Variants in NEK10 observed in about 807,000 individuals in gnomAD.
The protein encoded by NEK10 is serine/threonine-protein kinase Nek10.
Under a neutral mutation model 159.8 loss-of-function variants are expected in NEK10, and 122 were observed. The observed-to-expected ratio is 0.76, with a 90% confidence interval of 0.66 to 0.89. The LOEUF (loss-of-function observed/expected upper bound fraction) is 0.89, where lower values mean the gene tolerates loss of function less well. NEK10 is among the 40% of genes least tolerant of loss of function. The pLI, the probability that NEK10 is intolerant of heterozygous loss-of-function variation, is 0.00. For synonymous variants in NEK10, 466 were observed against 457.1 expected, an observed-to-expected ratio of 1.02 and a Z score of -0.25; for missense variants, 1,342 against 1,323.1, an observed-to-expected ratio of 1.01 and a Z score of -0.22.
chr3:27,332,239 A>C (rs1400651818), intron 5 of NEK10, among the ~76,000 whole-genome samples: 1 of 152,256 alleles, frequency 6.6e-6, no homozygotes, highest in African/African-American at 2.4e-5. Flanking sequence ...GTTATACTGC[A>C]ACATTGCCCT....
At chr3:27,176,079 G>T (rs1247972099) in intron 26 of NEK10, among the ~76,000 whole-genome samples, 3 of 152,106 alleles carry the variant, frequency 2.0e-5, no homozygotes, top group African/African-American at 4.8e-5. Flanking sequence ...GGGATAACTA[G>T]AATCAGAAAT....
intron 23 of NEK10, among the ~76,000 whole-genome samples, chr3:27,245,412 T>A (rs769955408): frequency 2.9e-4 from 44 of 152,304 alleles, no homozygotes; most frequent in Middle Eastern, 3.4e-3. Context: ...TTTAGTGACA[T>A]CCAAGGCTAG....
chr3:27,251,090 T>C (rs1955613605), intron 23 of NEK10, among the ~76,000 whole-genome samples: 1 of 152,162 alleles, frequency 6.6e-6, no homozygotes, highest in Non-Finnish European at 1.5e-5. Flanking sequence ...TCATTTAATC[T>C]CACAATAATC....
chr3:27,267,772 T>C (rs1400689692), intron 22 of NEK10, among the ~76,000 whole-genome samples: 4 of 152,182 alleles, frequency 2.6e-5, no homozygotes, highest in Non-Finnish European at 4.4e-5. Context: ...TGGCCTCCAA[T>C]CATTCAAGTG....
At chr3:27,218,521 C>G (rs1049314785) in intron 23 of NEK10, among the ~76,000 whole-genome samples, 2 of 149,836 alleles carry the variant, frequency 1.3e-5, no homozygotes, top group African/African-American at 4.9e-5. Flanking sequence ...AGGAGAATCC[C>G]TTGAACCTGG....
chr3:27,255,931 C>A (rs75654783), intron 23 of NEK10, among the ~76,000 whole-genome samples: 245 of 152,186 alleles, frequency 1.6e-3, no homozygotes, highest in African/African-American at 5.5e-3. Flanking sequence ...GTCATACATA[C>A]AAGAGGGTAC....
At chr3:27,130,297 A>G (rs539822166) in intron 32 of NEK10, among the ~76,000 whole-genome samples, 1 of 152,272 alleles carries the variant, frequency 6.6e-6, no homozygotes, top group Non-Finnish European at 1.5e-5. Flanking sequence ...TGCTTCCCAA[A>G]CATCTCCTAC....
At chr3:27,180,807 C>A (rs1425085226) in intron 26 of NEK10, among the ~76,000 whole-genome samples, 1 of 152,044 alleles carries the variant, frequency 6.6e-6, no homozygotes, top group Non-Finnish European at 1.5e-5. Context: ...CTCTTCTTAA[C>A]CAATTTCCCT....
intron 12 of NEK10, among the ~76,000 whole-genome samples, chr3:27,302,242 C>T (rs1473100238): frequency 6.6e-6 from 1 of 152,172 alleles, no homozygotes; most frequent in African/African-American, 2.4e-5. Context: ...TCATTTTACT[C>T]TGTACTTCAG....
chr3:27,195,576 G>T (rs1949486746), intron 25 of NEK10, among the ~76,000 whole-genome samples: 1 of 152,188 alleles, frequency 6.6e-6, no homozygotes, highest in African/African-American at 2.4e-5. Context: ...TGAATTGTCA[G>T]TTCTAACTTA....
At chr3:27,242,592 A>T (rs1373771) in intron 23 of NEK10, among the ~76,000 whole-genome samples, 3 of 152,046 alleles carry the variant, frequency 2.0e-5, no homozygotes, top group Non-Finnish European at 4.4e-5. Context: ...ACAGCCACAC[A>T]TCACAGTTGC....
intron 22 of NEK10, among the ~76,000 whole-genome samples, chr3:27,276,341 A>T (rs1012871592): frequency 6.6e-6 from 1 of 152,026 alleles, no homozygotes; most frequent in Non-Finnish European, 1.5e-5. Context: ...TCAGATGTGG[A>T]TGTCAAAGAT....
At chr3:27,363,487 G>A (rs2048831510) in intron 1 of NEK10, among the ~76,000 whole-genome samples, 1 of 152,094 alleles carries the variant, frequency 6.6e-6, no homozygotes, top group Admixed American at 6.5e-5. Context: ...AATGTGATTG[G>A]GAAGCTCCAA....
At chr3:27,126,443 T>C (rs982614721) in intron 32 of NEK10, among the ~76,000 whole-genome samples, 3 of 152,136 alleles carry the variant, frequency 2.0e-5, no homozygotes, top group Non-Finnish European at 2.9e-5. Context: ...GGATAAATAT[T>C]TGGCCTATTA....
chr3:27,259,959 G>A (rs1337771055), intron 22 of NEK10, among the ~76,000 whole-genome samples: 1 of 152,066 alleles, frequency 6.6e-6, no homozygotes, highest in Non-Finnish European at 1.5e-5. Context: ...GGATTCCTAG[G>A]TATTTTATTC....
At chr3:27,193,473 G>A (rs1949288690) in intron 25 of NEK10, among the ~76,000 whole-genome samples, 1 of 151,760 alleles carries the variant, frequency 6.6e-6, no homozygotes, top group Admixed American at 6.6e-5. Flanking sequence ...TCTTGAACTG[G>A]CCCTTAACTT....
Position 27,228,877 on chromosome 3 carries a change from G to T in NEK10, c.2091-26320C>A, listed in dbSNP as rs142619438. ...CTGGCCTGGCAGAGGAGCTGAGGTA[G>T]CTCCCACCCTTCTCCCTGATAAAAA... is the stretch of plus-strand genomic sequence containing the variant. On this transcript the variant is annotated intron_variant, in intron 23 of 35. Coordinates refer to ENST00000691995, the MANE Select transcript of NEK10 (RefSeq NM_001394966.1). 8.3e-3 allele frequency among the ~76,000 whole-genome samples: 1,258 copies of T among 152,176 alleles called. 17 individuals are homozygous for T. The highest frequency in any genetic ancestry group is 0.028 in the African/African-American group (1,155 of 41,488).
intron 32 of NEK10, among the ~76,000 whole-genome samples, chr3:27,131,276 A>G (rs965693120): frequency 9.2e-5 from 14 of 152,204 alleles, no homozygotes; most frequent in African/African-American, 3.4e-4. Context: ...GGCTGTATCG[A>G]AAGGTCTACC....
At chr3:27,242,491 A>T (rs1954663257) in intron 23 of NEK10, among the ~76,000 whole-genome samples, 1 of 152,118 alleles carries the variant, frequency 6.6e-6, no homozygotes, top group African/African-American at 2.4e-5. Context: ...AGCTTGCCCA[A>T]AGTCAAACAG....
Sources: gnomAD v4.1 joint callset for allele counts (sites outside exome capture counted in the v4.1 genomes callset) on GRCh38, gnomAD v4.1.1 for gene constraint, MANE v1.5 for transcripts, NCBI Gene and HGNC (gene_info 2026-07-23, HGNC 2026-07-21) for gene names.